The following PDE10A variants were observed in gnomAD, a reference collection of about 807,000 sequenced individuals.
The protein encoded by PDE10A is cAMP and cAMP-inhibited cGMP 3',5'-cyclic phosphodiesterase 10A.
Under a neutral mutation model 97.7 loss-of-function variants are expected in PDE10A, and 39 were observed. That is an observed-to-expected ratio of 0.40 (90% CI 0.31 to 0.52). PDE10A has a LOEUF of 0.52. Among genes scored for constraint, PDE10A ranks in the 20% least tolerant of loss-of-function variants. The pLI is 0.56. For missense variants in PDE10A, 731 were observed against 1,047.8 expected (o/e 0.70, Z 4.17); for synonymous variants, 371 against 376.8 (o/e 0.98, Z 0.18).
Position 165,655,580 on chromosome 6 carries a change from T to A in PDE10A, c.865+6367A>T, listed in dbSNP as rs919101200. ...CCGCGGCATTTTGCTTCTACCATCA[T>A]CGCCGTGATCCAAGTTACCATTGCT... On this transcript the variant is annotated intron_variant, in intron 1 of 21. Transcript: ENST00000539869. The surrounding 1 kb of genome is among the most constrained non-coding windows in gnomAD (Gnocchi z 4.5). 6.6e-6 allele frequency among the ~76,000 whole-genome samples: 1 copy of A among 152,094 alleles called. No individual in the cohort carries two copies. Among genetic ancestry groups the A allele is most frequent in the Non-Finnish European group, 1.5e-5 (1 of 68,024 alleles).
At chr6:165,735,505 A>G (rs1270367097) in intron 1 of PDE10A, among the ~76,000 whole-genome samples, 4 of 152,088 alleles carry the variant, frequency 2.6e-5, no homozygotes, top group Non-Finnish European at 5.9e-5. Context: ...GGTATTTATT[A>G]TGAGGAATTG....
intron 18 of PDE10A, 131 bp from the exon 19 acceptor site, chr6:165,343,633 A>C (rs1782117633): frequency 1.5e-6 from 1 of 662,524 alleles, no homozygotes; most frequent in African/African-American, 1.8e-5. Context: ...CAGAAGTGAC[A>C]GCCAGGACAG....
chr6:165,827,736 A>G (rs1197471537), intron 1 of PDE10A, among the ~76,000 whole-genome samples: 1 of 152,142 alleles, frequency 6.6e-6, no homozygotes, highest in Non-Finnish European at 1.5e-5. Context: ...GTGATTTCTG[A>G]GATTTTGGTC....
chr6:165,957,439 C>A (rs1176190360), intron 1 of PDE10A, among the ~76,000 whole-genome samples: 2 of 152,072 alleles, frequency 1.3e-5, no homozygotes, highest in Non-Finnish European at 2.9e-5. Flanking sequence ...TGTGATTGTG[C>A]AGCTGCACTC....
At chr6:165,406,154 C>G (rs1787131402) in intron 13 of PDE10A, among the ~76,000 whole-genome samples, 1 of 150,596 alleles carries the variant, frequency 6.6e-6, no homozygotes, top group Admixed American at 6.6e-5. Context: ...TCATGTAACC[C>G]CAAAAATAAT....
Position 165,338,985 on chromosome 6 carries a change from C to T in PDE10A, c.2976+293G>A, listed in dbSNP as rs77719595. 6.8e-3 allele frequency among the ~76,000 whole-genome samples: 1,034 copies of T among 152,236 alleles called. 11 individuals carry two copies. The highest frequency in any genetic ancestry group is 0.024 in the African/African-American group (992 of 41,534). ...AACAAAATCAGTGGTTAGAGTTGGCCGTCAAACTCAGATTAAGAGTATAAA... is the reference window on the plus strand; with the variant it reads ...AACAAAATCAGTGGTTAGAGTTGGCTGTCAAACTCAGATTAAGAGTATAAA... On this transcript the variant is annotated intron_variant, in intron 20 of 21. Transcript: ENST00000539869.
In PDE10A at chr6:165,435,198, T is replaced by C. The variant is rs776639990; in HGVS notation, c.1335+39A>G. On this transcript the variant is annotated intron_variant, in intron 6 of 21. Coordinates refer to ENST00000539869, the MANE Select transcript of PDE10A (RefSeq NM_001385079.1). ...TGCCATCTTTCTTAATTAAATACTT[T>C]AGGTCAAAAGTGTCACAAAGAATCA... is the stretch of plus-strand genomic sequence containing the variant. The C allele has an allele frequency of 1.9e-6, 3 of 1,540,230 alleles. No individual in the cohort carries two copies. The African/African-American group carries it at 4.1e-5, about 21-fold the overall frequency.
At chr6:165,585,759 G>GCCA (rs1277345075) in intron 1 of PDE10A, among the ~76,000 whole-genome samples, 1 of 152,162 alleles carries the variant, frequency 6.6e-6, no homozygotes, top group South Asian at 2.1e-4. Context: ...TGTTAGAGCA[G>GCCA]CCACAGGAAA....
chr6:165,568,565 C>T (rs1316226561), intron 1 of PDE10A, among the ~76,000 whole-genome samples: 1 of 152,152 alleles, frequency 6.6e-6, no homozygotes, highest in Non-Finnish European at 1.5e-5. Context: ...CCCTCAGACA[C>T]TTTGTAGCCA....
chr6:165,408,567 T>C (rs535010626), intron 13 of PDE10A, among the ~76,000 whole-genome samples: 1 of 152,316 alleles, frequency 6.6e-6, no homozygotes, highest in Admixed American at 6.5e-5. Flanking sequence ...CGCGATGCTA[T>C]CTTATTGAAA....
intron 3 of PDE10A, among the ~76,000 whole-genome samples, chr6:165,480,346 G>A (rs1223257882): frequency 6.6e-6 from 1 of 152,114 alleles, no homozygotes; most frequent in Non-Finnish European, 1.5e-5. Context: ...CCAGCACCTT[G>A]GGAGGCTGAG....
intron 4 of PDE10A, 98 bp from the exon 5 acceptor site, chr6:165,449,075 T>G (rs922590810): frequency 6.0e-6 from 5 of 835,488 alleles, no homozygotes; most frequent in African/African-American, 3.4e-5. Flanking sequence ...GTCTTTCAAA[T>G]TGATTTGTTA....
At chr6:165,564,387 C>A (rs1186122985) in intron 1 of PDE10A, among the ~76,000 whole-genome samples, 1 of 152,122 alleles carries the variant, frequency 6.6e-6, no homozygotes, top group Non-Finnish European at 1.5e-5. Context: ...CTGATAAGAC[C>A]CGTTTTGACA....
At chr6:165,495,315 G>T (rs1187152675) in intron 2 of PDE10A, among the ~76,000 whole-genome samples, 1 of 151,850 alleles carries the variant, frequency 6.6e-6, no homozygotes, top group African/African-American at 2.4e-5. Context: ...AGGGGAGACA[G>T]GAGGGGAAAG....
intron 1 of PDE10A, among the ~76,000 whole-genome samples, chr6:165,648,005 C>T (rs1442888400): frequency 6.6e-6 from 1 of 152,132 alleles, no homozygotes. Context: ...GGCACACACA[C>T]ATTTGTTTTT....
chr6:165,672,651 C>A (rs1241252960), intron 1 of PDE10A, among the ~76,000 whole-genome samples: 1 of 152,224 alleles, frequency 6.6e-6, no homozygotes, highest in Admixed American at 6.5e-5. Flanking sequence ...AACCCCTTTG[C>A]TTGGCTCTCA....
At chr6:165,512,056 T>C (rs928551864) in intron 2 of PDE10A, among the ~76,000 whole-genome samples, 1 of 152,032 alleles carries the variant, frequency 6.6e-6, no homozygotes, top group Admixed American at 6.6e-5. Flanking sequence ...GTTGTTATTG[T>C]CACATTGTTT....
intron 2 of PDE10A, among the ~76,000 whole-genome samples, chr6:165,537,696 T>C (rs1157144590): frequency 6.6e-6 from 1 of 152,006 alleles, no homozygotes; most frequent in Non-Finnish European, 1.5e-5. Flanking sequence ...ATCTCCTTTC[T>C]AGTCACCAGA....
chr6:165,662,599 G>A lies in PDE10A; in HGVS notation c.213C>T (p.Ser71=), dbSNP rs1790340653. The part of the protein sequence containing the change: ...RAAPPRPPLS[S]AGRPSPAGGP... ...CCCCAGCGGGGCTGGGGCGGCCTGC[G>A]GAGGAGAGGGGCGGGCGCGGGGGCG... Residue 71 remains serine (S), a synonymous_variant, in exon 1 of 22, where the codon TCC becomes TCT. Coordinates refer to ENST00000539869, the MANE Select transcript of PDE10A (RefSeq NM_001385079.1). 1 of 144,878 alleles carries A rather than the reference G, an allele frequency of 6.9e-6. No individual in the cohort carries two copies. The highest frequency in any genetic ancestry group is 1.5e-5 in the Non-Finnish European group (1 of 65,286). 9.0% of individuals were successfully genotyped at this position (144,878 alleles called of 1,614,324 possible).
Sources: allele counts gnomAD v4.1 joint callset (sites outside exome capture counted in the v4.1 genomes callset), GRCh38; gene constraint gnomAD v4.1.1; non-coding constraint Gnocchi (gnomAD v3.1); transcripts MANE v1.5; gene names NCBI Gene and HGNC (gene_info 2026-07-23, HGNC 2026-07-21).